Variants in FAM20B observed in about 807,000 individuals in gnomAD.
FAM20B encodes glycosaminoglycan xylosylkinase.
In FAM20B, 23 loss-of-function variants were observed where a neutral mutation model predicts 43.8. That is an observed-to-expected ratio of 0.53 (90% confidence interval 0.38 to 0.74). FAM20B has a LOEUF of 0.74. Among genes scored for constraint, FAM20B ranks in the 30% least tolerant of loss-of-function variants. The probability of loss-of-function intolerance (pLI) is 0.00; values close to 1 mark genes in which losing one functional copy is unlikely to be tolerated. For synonymous variants in FAM20B, 178 were observed against 192.4 expected (o/e 0.93, Z 0.62); for missense variants, 440 against 510.5 (o/e 0.86, Z 1.33).
At chr1:179,053,444 C>G (rs12083643) in intron 3 of FAM20B, among the ~76,000 whole-genome samples, 10,518 of 56,540 alleles carry the variant, frequency 0.19, 1,032 homozygotes, top group African/African-American at 0.46. Flanking sequence ...ACCAACCACC[C>G]AAACAAACAA....
intron 2 of FAM20B, 130 bp downstream of exon 2, chr1:179,044,354 C>T (rs1650678923): frequency 2.0e-6 from 2 of 1,006,784 alleles, no homozygotes; most frequent in Admixed American, 2.8e-5. Context: ...GACTAGATCT[C>T]TAAAGTCTTT....
Position 179,044,184 on chromosome 1 carries a change from A to T in FAM20B, c.337A>T (p.Ile113Leu), listed in dbSNP as rs971728813. The T allele has an allele frequency of 1.2e-6, 2 of 1,612,456 alleles. No homozygotes were observed. Among genetic ancestry groups the T allele is most frequent in the East Asian group, 2.2e-5 (1 of 44,840 alleles). ...YKGTQLKALLILEGGQKVVFK... is the reference protein window; with the variant it reads ...YKGTQLKALLLLEGGQKVVFK... ...AGGGACACAGCTGAAAGCCTTACTG[A>T]TACTTGAAGGAGGCCAGAAAGTTGT... is the stretch of plus-strand genomic sequence containing the variant. The change falls in exon 2 of 8, where the codon ATA (isoleucine) becomes TTA (leucine). Residue 113 changes from isoleucine (I) to leucine (L), a missense_variant. Transcript: ENST00000263733.
At chr1:179,031,502 T>G (rs1266777811) in intron 1 of FAM20B, among the ~76,000 whole-genome samples, 1 of 152,202 alleles carries the variant, frequency 6.6e-6, no homozygotes, top group Non-Finnish European at 1.5e-5. Context: ...CTTATTGAAA[T>G]TATTCAGTTA....
intron 6 of FAM20B, among the ~76,000 whole-genome samples, chr1:179,065,431 T>G (rs1651649003): frequency 6.6e-6 from 1 of 152,204 alleles, no homozygotes; most frequent in Non-Finnish European, 1.5e-5. Context: ...TGCCACACTT[T>G]TAGTTGCATT....
rs1269423014 is a variant in FAM20B at position 179,044,075 on chromosome 1, G to A, written c.228G>A (p.Val76=). 6.2e-7 allele frequency: 1 copy of A among 1,614,152 alleles called. No homozygotes were observed. The highest frequency in any genetic ancestry group is 8.5e-7 in the Non-Finnish European group (1 of 1,180,036). The change falls in exon 2 of 8, where the codon GTG becomes GTA. Residue 76 remains valine (V), a synonymous_variant. Transcript: ENST00000263733. ...CCCAGTGGGTGGTTCCCCGGGAAGT[G>A]TACCCTGAAGAGACACCAGAGCTGG... is the stretch of plus-strand genomic sequence containing the variant. The part of the protein sequence containing the change: ...IAAQWVVPRE[V]YPEETPELGA...
intron 6 of FAM20B, 139 bp downstream of exon 6, chr1:179,064,635 T>A (rs1557878752): frequency 4.6e-6 from 3 of 658,904 alleles, no homozygotes; most frequent in Non-Finnish European, 7.7e-6. Context: ...GTCTTTGCTA[T>A]TGGTACCTGT....
intron 7 of FAM20B, 50 bp from the exon 8 acceptor site, chr1:179,071,863 T>C: frequency 7.6e-7 from 1 of 1,315,406 alleles, no homozygotes; most frequent in Non-Finnish European, 1.1e-6. Context: ...TTCAACTCCG[T>C]TTGATAATGA....
chr1:179,018,241 C>G, the FAM20B span, among the ~76,000 whole-genome samples: 9 of 152,198 alleles, frequency 5.9e-5, no homozygotes, highest in African/African-American at 2.2e-4. Flanking sequence ...TCAATGTAAG[C>G]AGCCTAAATG....
rs780302354 is a variant in FAM20B, at chr1:179,066,859, T to C, written c.998T>C (p.Ile333Thr). The change falls in exon 7 of 8, where the codon ATC becomes ACC. Residue 333 changes from isoleucine to threonine, a missense_variant and splice_region_variant. Physicochemically the swap from Ile to Thr is moderately conservative, Grantham distance 89 (BLOSUM62 -1). Coordinates refer to ENST00000263733, the MANE Select transcript of FAM20B (RefSeq NM_014864.4). ...SILAPLYQCC[I>T]IRVSTWNRLN... is the part of the protein sequence containing the mutation. Reference sequence around the variant, plus strand: ...CTTGCCCCTCTCTATCAGTGTTGCATGTAAGTTATGCACAGCAAATACATG... The same window carrying C: ...CTTGCCCCTCTCTATCAGTGTTGCACGTAAGTTATGCACAGCAAATACATG... The C allele has an allele frequency of 3.7e-6, 6 of 1,605,236 alleles. No homozygotes were observed. Among genetic ancestry groups the C allele is most frequent in the East Asian group, 4.5e-5 (2 of 44,848 alleles).
At chr1:179,030,490 C>A (rs1356193148) in intron 1 of FAM20B, among the ~76,000 whole-genome samples, 2 of 152,142 alleles carry the variant, frequency 1.3e-5, no homozygotes, top group Non-Finnish European at 2.9e-5. Context: ...CCAGCCGATA[C>A]TAGGAACCAG....
intron 1 of FAM20B, among the ~76,000 whole-genome samples, chr1:179,040,771 TC>T (rs1046769176): frequency 2.0e-5 from 3 of 149,658 alleles, no homozygotes; most frequent in Admixed American, 6.6e-5. Flanking sequence ...CCCACCTCCC[TC>T]CCGGACGGGT....
chr1:179,036,931 A>T (rs1453426710), intron 1 of FAM20B, among the ~76,000 whole-genome samples: 2 of 152,184 alleles, frequency 1.3e-5, no homozygotes, highest in African/African-American at 4.8e-5. Context: ...AAATGTTAAG[A>T]GAAAGAGGAA....
intron 1 of FAM20B, among the ~76,000 whole-genome samples, chr1:179,041,210 G>A (rs1403027535): frequency 2.0e-5 from 3 of 151,394 alleles, no homozygotes; most frequent in Non-Finnish European, 2.9e-5. Flanking sequence ...CATCCCAGAC[G>A]ATGGGCAACC....
intron 1 of FAM20B, among the ~76,000 whole-genome samples, chr1:179,043,149 T>TCCTCCCTTGG (rs980827260): frequency 6.6e-6 from 1 of 152,130 alleles, no homozygotes; most frequent in African/African-American, 2.4e-5. Flanking sequence ...CCATCCTCAG[T>TCCTCCCTTGG]CCTCCCTTGG....
intron 4 of FAM20B, among the ~76,000 whole-genome samples, chr1:179,055,832 T>C (rs1421419508): frequency 1.3e-5 from 2 of 152,136 alleles, no homozygotes; most frequent in African/African-American, 4.8e-5. Context: ...GGAAAGGGCA[T>C]TGGCAAAATA....
Position 179,073,371 on chromosome 1 carries a change from A to G in FAM20B, c.*1227A>G, listed in dbSNP as rs1374034490. The G allele has an allele frequency of 6.6e-6, 1 of 152,026 alleles. No homozygotes were observed. The highest frequency in any genetic ancestry group is 2.4e-5 in the African/African-American group (1 of 41,360). The allele number at this position is 152,026 out of a possible 1,614,324, so 9.4% of individuals were successfully genotyped here. A position where few individuals can be genotyped will look rare whatever the true frequency, so the allele number is the denominator to read the frequency against. The stretch of plus-strand genomic sequence containing the variant: ...CACTCTGTTGCCCAGGCTGGAGTGC[A>G]GTGGCACGATCTTGGCTTACTGCAA... On this transcript the variant is annotated 3_prime_UTR_variant, in exon 8 of 8. Transcript: ENST00000263733.
chr1:179,071,702 C>A (rs1213993460), intron 7 of FAM20B, among the ~76,000 whole-genome samples: 1 of 152,176 alleles, frequency 6.6e-6, no homozygotes, highest in Non-Finnish European at 1.5e-5. Context: ...GTGTGTAAAT[C>A]TCTGTATATA....
chr1:179,065,163 T>G (rs976383105), intron 6 of FAM20B, among the ~76,000 whole-genome samples: 1 of 152,066 alleles, frequency 6.6e-6, no homozygotes, highest in African/African-American at 2.4e-5. Context: ...TTTTTTAAGT[T>G]TTTTTGAGAC....
chr1:179,068,043 G>A (rs142387166), intron 7 of FAM20B, among the ~76,000 whole-genome samples: 21,469 of 152,100 alleles, frequency 0.14, 1,760 homozygotes, highest in East Asian at 0.3. Flanking sequence ...GATTACAGGC[G>A]TGAGCCACCG....
Sources: gnomAD v4.1 joint callset for allele counts (sites outside exome capture counted in the v4.1 genomes callset) on GRCh38, gnomAD v4.1.1 for gene constraint, MANE v1.5 for transcripts, NCBI Gene and HGNC (gene_info 2026-07-23, HGNC 2026-07-21) for gene names.